TFEC: variants seen among roughly 807,000 people sequenced by gnomAD.
TFEC encodes transcription factor EC, also known as class E basic helix-loop-helix protein 34.
Under a neutral mutation model 41.6 loss-of-function variants are expected in TFEC, and 31 were observed. The ratio of observed to expected loss-of-function variants is 0.74; its 90% CI spans 0.56 to 1.01. The LOEUF (loss-of-function observed/expected upper bound fraction) is 1.01. Among genes scored for constraint, TFEC ranks in the 50% least tolerant of loss-of-function variants. TFEC has a pLI of 0.00. For synonymous variants in TFEC, 143 were observed against 140.6 expected (o/e 1.02, Z -0.12); for missense variants, 402 against 404.1 (o/e 0.99, Z 0.04).
At chr7:116,097,277 A>T (rs1797487701) in intron 3 of TFEC, among the ~76,000 whole-genome samples, 1 of 152,138 alleles carries the variant, frequency 6.6e-6, no homozygotes, top group Admixed American at 6.6e-5. Context: ...GATATGTTCT[A>T]AGACCCCCAG....
At chr7:116,043,002 T>C (rs1437349331) in intron 3 of TFEC, among the ~76,000 whole-genome samples, 2 of 152,192 alleles carry the variant, frequency 1.3e-5, no homozygotes, top group East Asian at 1.9e-4. Flanking sequence ...GTCTTTGTAC[T>C]CGTTAACTCA....
intron 2 of TFEC, chr7:116,111,981 A>T: frequency 2.0e-6 from 2 of 986,820 alleles, no homozygotes; most frequent in South Asian, 9.4e-5. Flanking sequence ...CTTTGTATGA[A>T]AACTGCATAC....
chr7:116,017,479 C>T (rs1002428335), intron 1 of TFEC, among the ~76,000 whole-genome samples: 2 of 152,084 alleles, frequency 1.3e-5, no homozygotes, highest in Non-Finnish European at 2.9e-5. Context: ...TCTTGGCCTC[C>T]CAAAGTGCTG....
intron 1 of TFEC, among the ~76,000 whole-genome samples, chr7:115,994,625 G>A (rs1294266470): frequency 6.6e-6 from 1 of 152,164 alleles, no homozygotes; most frequent in Admixed American, 6.5e-5. Context: ...TCAGAGAAAT[G>A]CAAATCAAAA....
chr7:115,940,535 T>A lies in TFEC; in HGVS notation c.*16A>T. ...TAGAATTGCTTTCCAGTTGATGAAT[T>A]GGGTCTGTTTATTTCTTATAATTCA... is the stretch of plus-strand genomic sequence containing the variant. On this transcript the variant is annotated 3_prime_UTR_variant, in exon 8 of 8. Coordinates refer to ENST00000265440, the MANE Select transcript of TFEC (RefSeq NM_012252.4). 1.3e-6 allele frequency: 2 copies of A among 1,586,082 alleles called. No individual in the cohort carries two copies. Among genetic ancestry groups the A allele is most frequent in the South Asian group, 2.3e-5 (2 of 87,284 alleles).
At chr7:116,093,812 C>G (rs1797385094) in intron 3 of TFEC, among the ~76,000 whole-genome samples, 1 of 152,110 alleles carries the variant, frequency 6.6e-6, no homozygotes, top group Non-Finnish European at 1.5e-5. Context: ...AATGCAAGCT[C>G]TAAAAGTTAG....
At chr7:116,095,843 ACTCTCAACCCTTC>A (rs1219859947) in intron 3 of TFEC, among the ~76,000 whole-genome samples, 1 of 150,644 alleles carries the variant, frequency 6.6e-6, no homozygotes, top group South Asian at 2.1e-4. Flanking sequence ...CTCATCCACT[ACTCTCAACCCTTC>A]CTCTCTTCCC....
chr7:115,970,266 C>T (rs1004109087), intron 3 of TFEC, among the ~76,000 whole-genome samples: 1 of 151,924 alleles, frequency 6.6e-6, no homozygotes, highest in Non-Finnish European at 1.5e-5. Context: ...ATGTTAAATG[C>T]CACTGAGGAG....
intron 1 of TFEC, among the ~76,000 whole-genome samples, chr7:115,989,893 G>A (rs373553592): frequency 6.6e-5 from 10 of 152,254 alleles, no homozygotes; most frequent in Middle Eastern, 3.4e-3. Context: ...CTCCCAGCAC[G>A]GAGTCTGAGA....
intron 1 of TFEC, among the ~76,000 whole-genome samples, chr7:116,132,076 T>C (rs943891562): frequency 1.3e-5 from 2 of 152,200 alleles, no homozygotes; most frequent in South Asian, 4.1e-4. Flanking sequence ...CTTTTTTTCT[T>C]TCCATCATAA....
intron 3 of TFEC, among the ~76,000 whole-genome samples, chr7:116,064,065 T>C (rs1031430625): frequency 1.3e-5 from 2 of 152,118 alleles, no homozygotes; most frequent in Non-Finnish European, 2.9e-5. Flanking sequence ...GAACTGGGGT[T>C]TCCTGGGATG....
chr7:116,020,154 G>C (rs1033476360), intron 1 of TFEC, among the ~76,000 whole-genome samples: 1 of 152,142 alleles, frequency 6.6e-6, no homozygotes, highest in Non-Finnish European at 1.5e-5. Context: ...GACTTCTGAA[G>C]CAAAACGATA....
rs113903513 is a variant in TFEC at position 116,080,983 on chromosome 7, G to A, written c.198+29725C>T. ...AGTGGATAAAGAAAATGTAGTGTGT[G>A]TGTGTGTGTGTGTGTGTGTGTGTGT... On this transcript the variant is annotated intron_variant, in intron 3 of 8. Transcript: ENST00000484212. Among the ~76,000 whole-genome samples, 752 of 137,012 alleles carry A rather than the reference G, an allele frequency of 5.5e-3. 7 individuals are homozygous for A. Among genetic ancestry groups the A allele is most frequent in the African/African-American group, 0.015 (569 of 36,960 alleles). The allele number at this position is 137,012 out of a possible 152,430, so 89.9% of individuals were successfully genotyped here.
chr7:116,149,505 T>G (rs1278440344), intron 1 of TFEC, among the ~76,000 whole-genome samples: 2 of 152,256 alleles, frequency 1.3e-5, no homozygotes, highest in African/African-American at 4.8e-5. Context: ...TATAATTTTA[T>G]AAGGAGAATT....
chr7:115,967,994 T>C (rs1269364519), intron 3 of TFEC, among the ~76,000 whole-genome samples: 1 of 151,800 alleles, frequency 6.6e-6, no homozygotes, highest in Non-Finnish European at 1.5e-5. Flanking sequence ...TTTTTTACTA[T>C]AGTCCAGAGC....
chr7:116,049,256 C>T (rs912493732), intron 3 of TFEC, among the ~76,000 whole-genome samples: 2 of 152,042 alleles, frequency 1.3e-5, no homozygotes, highest in South Asian at 2.1e-4. Context: ...CAGAGACACA[C>T]ATAGGCTCAA....
chr7:116,119,131 T>A (rs1798054822), intron 1 of TFEC, among the ~76,000 whole-genome samples: 1 of 151,838 alleles, frequency 6.6e-6, no homozygotes. Context: ...AGCATTTTAT[T>A]TTTTATATCC....
chr7:115,948,825 CAT>C (rs1354634122), intron 6 of TFEC, among the ~76,000 whole-genome samples: 5 of 148,656 alleles, frequency 3.4e-5, no homozygotes, highest in African/African-American at 1.2e-4. Flanking sequence ...TCCTATTCAA[CAT>C]AGTGTTGGAA....
intron 3 of TFEC, among the ~76,000 whole-genome samples, chr7:116,102,710 T>C (rs899405699): frequency 3.3e-5 from 5 of 152,204 alleles, no homozygotes; most frequent in African/African-American, 1.2e-4. Context: ...TAAGCAAGTT[T>C]TTCATTTCAT....
Sources: allele counts gnomAD v4.1 joint callset (sites outside exome capture counted in the v4.1 genomes callset), GRCh38; gene constraint gnomAD v4.1.1; transcripts MANE v1.5; gene names NCBI Gene and HGNC (gene_info 2026-07-23, HGNC 2026-07-21).